SEC13: variants seen among roughly 807,000 people sequenced by gnomAD.
SEC13 encodes protein SEC13 homolog.
SEC13 carries 25 observed loss-of-function variants against 49.2 expected under a neutral mutation model. The ratio of observed to expected loss-of-function variants is 0.51; its 90% CI spans 0.37 to 0.71. SEC13 has a LOEUF of 0.71. Among genes scored for constraint, SEC13 ranks in the 30% least tolerant of loss-of-function variants. The pLI is 0.00. For synonymous variants in SEC13, 148 were observed against 163.9 expected (o/e 0.90, Z 0.74); for missense variants, 383 against 417.6 (o/e 0.92, Z 0.72).
At chr3:10,313,401 C>A (rs1481392118) in intron 3 of SEC13, 1 of 530,122 alleles carries the variant, frequency 1.9e-6, no homozygotes, top group African/African-American at 1.9e-5. Context: ...CATTCACTAG[C>A]TCTTGACTTT....
chr3:10,315,459 G>A, intron 2 of SEC13, 23 bp from the exon 3 acceptor site: 1 of 1,116,444 alleles, frequency 9.0e-7, no homozygotes, highest in Non-Finnish European at 1.3e-6. Flanking sequence ...GACAGCTCGG[G>A]AAGCCTGCAG....
At position 10,301,270 on chromosome 3, in the gene SEC13, G is replaced by A. The variant is rs141884872; in HGVS notation, c.960C>T (p.Asn320=). 3.2e-5 allele frequency: 51 copies of A among 1,614,040 alleles called. No homozygotes were observed. In the Middle Eastern group the frequency reaches 1.5e-3, roughly 47 times the overall value. The change falls in exon 9 of 9, where the codon AAC becomes AAT. Residue 320 remains asparagine, a synonymous_variant. Transcript: ENST00000350697. The part of the protein sequence containing the change: ...VSASVTEGQQ[N]EQ ...GGCCCCACCTGTCTTGTCACTGCTC[G>A]TTCTGCTGGCCCTCTGTCACTGATG...
chr3:10,311,871 C>T (rs771974965), intron 5 of SEC13, 94 bp downstream of exon 5: 45 of 1,609,974 alleles, frequency 2.8e-5, no homozygotes, highest in South Asian at 3.3e-5. Flanking sequence ...CACTGTCCAG[C>T]GGGGACCCTC....
Position 10,312,587 on chromosome 3 carries a change from T to G in SEC13, c.308A>C (p.Asp103Ala). ...WEKSHEHAGH[D>A]SSVNSVCWAP... ...TGCCAAGCTCAGCATACCTGAGGAG[T>G]CGTGTCCCGCATGCTCGTGGCTCTT... is the stretch of plus-strand genomic sequence containing the variant. Residue 103 changes from aspartate (D) to alanine (A), a missense_variant, in exon 4 of 9, where the codon GAC becomes GCC. Asp to Ala is a moderately radical substitution (Grantham distance 126). Transcript: ENST00000350697. 6.2e-7 allele frequency: 1 copy of G among 1,613,004 alleles called. No individual in the cohort carries two copies. The highest frequency in any genetic ancestry group is 1.3e-5 in the African/African-American group (1 of 74,676).
chr3:10,316,580 CTT>C (rs1701619824), intron 2 of SEC13, among the ~76,000 whole-genome samples: 1 of 152,180 alleles, frequency 6.6e-6, no homozygotes, highest in South Asian at 2.1e-4. Flanking sequence ...GCTGTGCAAA[CTT>C]TGAAAACACT....
chr3:10,304,754 C>T (rs1559491479), intron 7 of SEC13, among the ~76,000 whole-genome samples: 1 of 152,164 alleles, frequency 6.6e-6, no homozygotes, highest in Admixed American at 6.5e-5. Flanking sequence ...GGCACCTCGG[C>T]GCCCTAGTCT....
At chr3:10,310,678 A>AAAGTT in intron 5 of SEC13, among the ~76,000 whole-genome samples, 1 of 152,226 alleles carries the variant, frequency 6.6e-6, no homozygotes, top group Non-Finnish European at 1.5e-5. Flanking sequence ...AATTCCTCAA[A>AAAGTT]AAGTTAAACA....
At chr3:10,309,284 C>A (rs1248528149) in intron 5 of SEC13, among the ~76,000 whole-genome samples, 1 of 151,800 alleles carries the variant, frequency 6.6e-6, no homozygotes, top group Non-Finnish European at 1.5e-5. Context: ...AGTTTCAAAT[C>A]TTTGTTTTTT....
intron 7 of SEC13, among the ~76,000 whole-genome samples, chr3:10,304,657 T>C (rs561845502): frequency 6.6e-6 from 1 of 152,172 alleles, no homozygotes; most frequent in African/African-American, 2.4e-5. Flanking sequence ...TGGCCGTCCT[T>C]GCTGTCTGGG....
Position 10,311,679 on chromosome 3 carries a change from G to A in SEC13, c.450+286C>T. 6.9e-6 allele frequency: 9 copies of A among 1,310,236 alleles called. No homozygotes were observed. The South Asian group carries it at 1.5e-4, about 21-fold the overall frequency. The allele number at this position is 1,310,236 out of a possible 1,614,324, so 81.2% of individuals were successfully genotyped here. On this transcript the variant is annotated intron_variant, in intron 5 of 8. Coordinates refer to ENST00000350697, the MANE Select transcript of SEC13 (RefSeq NM_183352.3). ...GGTCCCAATGACTACTGCAGGGCAT[G>A]TCACCTGGAGGCAACCATAGCTAAG... is the stretch of plus-strand genomic sequence containing the variant.
chr3:10,315,612 T>C (rs1308571843), intron 2 of SEC13, among the ~76,000 whole-genome samples, 176 bp from the exon 3 acceptor site: 1 of 152,172 alleles, frequency 6.6e-6, no homozygotes, highest in Non-Finnish European at 1.5e-5. Flanking sequence ...ACTTCACCTA[T>C]GGGCAGTGTC....
At chr3:10,310,815 CCAT>C (rs889949621) in intron 5 of SEC13, among the ~76,000 whole-genome samples, 10 of 152,160 alleles carry the variant, frequency 6.6e-5, no homozygotes, top group African/African-American at 2.4e-4. Flanking sequence ...CCGAGAACAT[CCAT>C]CATCTGATGA....
intron 5 of SEC13, among the ~76,000 whole-genome samples, chr3:10,310,144 A>G (rs1428350670): frequency 6.6e-6 from 1 of 152,156 alleles, no homozygotes; most frequent in Non-Finnish European, 1.5e-5. Context: ...CATTTCTCCA[A>G]AGGCCCCCAG....
intron 2 of SEC13, among the ~76,000 whole-genome samples, chr3:10,316,207 C>A (rs959592115): frequency 6.6e-6 from 1 of 152,202 alleles, no homozygotes; most frequent in Non-Finnish European, 1.5e-5. Context: ...ACCATGCCTC[C>A]TGCACCACTG....
intron 8 of SEC13, chr3:10,303,640 A>G (rs1015835103): frequency 5.6e-5 from 16 of 287,158 alleles, no homozygotes; most frequent in Non-Finnish European, 1.1e-4. Context: ...AGTGTTATGG[A>G]CAAAAAATAT....
intron 1 of SEC13, 100 bp from the exon 2 acceptor site, chr3:10,318,194 C>T: frequency 2.5e-6 from 2 of 800,038 alleles, no homozygotes; most frequent in South Asian, 2.9e-5. Context: ...CTCATTCATT[C>T]ATTCATTCAG....
Position 10,301,204 on chromosome 3 carries a change from C to T in SEC13, c.*57G>A. On this transcript the variant is annotated 3_prime_UTR_variant, in exon 9 of 9. Transcript: ENST00000350697. ...TCTTCCCAGTTGTCTGGTTAGTTGG[C>T]CCAGGAAGGGGCAGTCCTGGAGCTG... 6.2e-7 allele frequency: 1 copy of T among 1,613,874 alleles called. No homozygotes were observed.
At chr3:10,319,652 T>C (rs896233791) in intron 1 of SEC13, among the ~76,000 whole-genome samples, 1 of 151,520 alleles carries the variant, frequency 6.6e-6, no homozygotes, top group Non-Finnish European at 1.5e-5. Context: ...CGAAGAAAGT[T>C]TACTGAGAGG....
intron 8 of SEC13, chr3:10,303,740 T>C (rs926090043): frequency 2.1e-6 from 1 of 479,334 alleles, no homozygotes; most frequent in East Asian, 4.0e-5. Flanking sequence ...AAATGCTTAG[T>C]AGGGTGATGG....
Sources: allele counts gnomAD v4.1 joint callset (sites outside exome capture counted in the v4.1 genomes callset), GRCh38; gene constraint gnomAD v4.1.1; transcripts MANE v1.5; gene names NCBI Gene and HGNC (gene_info 2026-07-23, HGNC 2026-07-21).